Variants in UCHL5 observed in about 807,000 individuals in gnomAD.
UCHL5 encodes the protein ubiquitin carboxyl-terminal hydrolase isozyme L5.
Under a neutral mutation model 53.8 loss-of-function variants are expected in UCHL5, and 34 were observed. The ratio of observed to expected loss-of-function variants is 0.63; its 90% CI spans 0.48 to 0.84. The LOEUF (loss-of-function observed/expected upper bound fraction) is 0.84. Among genes scored for constraint, UCHL5 ranks in the 40% least tolerant of loss-of-function variants. The pLI is 0.00. For synonymous variants in UCHL5, 111 were observed against 126.3 expected (o/e 0.88, Z 0.81); for missense variants, 290 against 385.6 (o/e 0.75, Z 2.08).
intron 3 of UCHL5, among the ~76,000 whole-genome samples, chr1:193,038,411 C>A (rs1234906421): frequency 6.7e-6 from 1 of 149,180 alleles, no homozygotes; most frequent in Non-Finnish European, 1.5e-5. Flanking sequence ...GCCGAGATCG[C>A]GCCACTGCAC....
chr1:193,020,211 C>T (rs1250083758), intron 10 of UCHL5: 2 of 1,395,358 alleles, frequency 1.4e-6, no homozygotes, highest in African/African-American at 2.9e-5. Context: ...TATTAGCTCA[C>T]ATCTCATATT....
chr1:193,018,463 C>T, intron 10 of UCHL5: 1 of 867,732 alleles, frequency 1.2e-6, no homozygotes, highest in Non-Finnish European at 1.4e-6. Flanking sequence ...GTACATAATA[C>T]AAGAAGTTTT....
At chr1:193,026,456 A>C (rs1316299316) in intron 7 of UCHL5, among the ~76,000 whole-genome samples, 1 of 152,226 alleles carries the variant, frequency 6.6e-6, no homozygotes, top group African/African-American at 2.4e-5. Context: ...AGAGTCAAAA[A>C]ACAATCCAAT....
At chr1:193,025,894 A>G (rs1659016435) in intron 7 of UCHL5, among the ~76,000 whole-genome samples, 1 of 152,170 alleles carries the variant, frequency 6.6e-6, no homozygotes, top group Non-Finnish European at 1.5e-5. Context: ...ACCTGATTTC[A>G]AGACTTAGAG....
chr1:193,042,373 TAATC>T (rs964962815), intron 3 of UCHL5, among the ~76,000 whole-genome samples: 12 of 152,096 alleles, frequency 7.9e-5, no homozygotes, highest in African/African-American at 2.9e-4. Context: ...TTTCTTAAAA[TAATC>T]AAATAAATAA....
At chr1:193,025,041 A>G (rs753089401) in intron 7 of UCHL5, among the ~76,000 whole-genome samples, 1 of 152,200 alleles carries the variant, frequency 6.6e-6, no homozygotes, top group Non-Finnish European at 1.5e-5. Flanking sequence ...CTCAGGAACC[A>G]AGAATGATAC....
chr1:193,052,398 G>A (rs1261560596), intron 1 of UCHL5, among the ~76,000 whole-genome samples: 1 of 151,954 alleles, frequency 6.6e-6, no homozygotes, highest in African/African-American at 2.4e-5. Context: ...TGTCATTATT[G>A]TCACTGGTGT....
At chr1:193,026,234 C>G (rs940423264) in intron 7 of UCHL5, among the ~76,000 whole-genome samples, 1 of 151,906 alleles carries the variant, frequency 6.6e-6, no homozygotes, top group Admixed American at 6.6e-5. Context: ...GGTATCTACA[C>G]CGAGACAAAG....
At chr1:193,035,428 A>T (rs868150923) in intron 3 of UCHL5, among the ~76,000 whole-genome samples, 24 of 152,026 alleles carry the variant, frequency 1.6e-4, no homozygotes, top group African/African-American at 5.3e-4. Context: ...GCCAGGAGGG[A>T]GTGGGATGAA....
chr1:193,029,482 T>C (rs769299822), intron 4 of UCHL5, 33 bp from the exon 5 acceptor site: 9 of 1,613,236 alleles, frequency 5.6e-6, no homozygotes, highest in Admixed American at 3.3e-5. Flanking sequence ...CCTATTAATA[T>C]ACAAACTTTC....
chr1:193,060,044 C>G (rs369237382), upstream of UCHL5: 5 of 1,340,594 alleles, frequency 3.7e-6, no homozygotes, highest in African/African-American at 1.5e-5. Flanking sequence ...TCCTGCTTGT[C>G]GGCATCGCTC....
chr1:193,029,486 A>C, intron 4 of UCHL5, 37 bp from the exon 5 acceptor site: 1 of 1,613,240 alleles, frequency 6.2e-7, no homozygotes, highest in Non-Finnish European at 8.5e-7. Context: ...TTAATATACA[A>C]ACTTTCACAA....
intron 10 of UCHL5, among the ~76,000 whole-genome samples, chr1:193,017,221 T>A (rs1655158261): frequency 6.6e-6 from 1 of 151,780 alleles, no homozygotes; most frequent in Admixed American, 6.6e-5. Context: ...AAAAGCAAGA[T>A]TTTAGAGTAC....
In UCHL5 at chr1:193,046,838, TA is replaced by T. The variant is rs914404812; in HGVS notation, c.246+2907del. Among the ~76,000 whole-genome samples the T allele has an allele frequency of 5.5e-4, 82 of 149,016 alleles. No individual in the cohort carries two copies. In the East Asian group the frequency reaches 7.2e-3, roughly 13 times the overall value. On this transcript the variant is annotated intron_variant, in intron 3 of 10. Transcript: ENST00000367454. ...ACAAAGTCAAACTTTCATTACTAAG[TA>T]AAAAAAAACAAAATATTTTGCATAA...
At position 193,049,899 on chromosome 1, in the gene UCHL5, T is replaced by C. The variant is rs753365060; in HGVS notation, c.141-48A>G. 5.5e-6 allele frequency: 8 copies of C among 1,464,472 alleles called. No individual in the cohort carries two copies. The African/African-American group carries it at 1.1e-4, about 21-fold the overall frequency. The allele number at this position is 1,464,472 out of a possible 1,614,324, so 90.7% of individuals were successfully genotyped here. On this transcript the variant is annotated intron_variant, in intron 2 of 10. Transcript: ENST00000367454. ...ATGACATCAAACCCTGCTTCTTTCA[T>C]AATACATTGTTAATCTATAAAATTT...
chr1:193,037,657 C>T (rs1663999968), intron 3 of UCHL5, among the ~76,000 whole-genome samples: 1 of 152,030 alleles, frequency 6.6e-6, no homozygotes, highest in African/African-American at 2.4e-5. Context: ...ATACCAAAAC[C>T]AGGCAAGGAC....
intron 7 of UCHL5, 154 bp downstream of exon 7, chr1:193,027,931 T>C (rs1388808893): frequency 6.8e-7 from 1 of 1,475,326 alleles, no homozygotes; most frequent in African/African-American, 1.4e-5. Flanking sequence ...GAGACCAGCC[T>C]GGGCAACATG....
At chr1:193,042,151 G>A (rs1179263073) in intron 3 of UCHL5, among the ~76,000 whole-genome samples, 1 of 150,936 alleles carries the variant, frequency 6.6e-6, no homozygotes, top group Non-Finnish European at 1.5e-5. Flanking sequence ...TATAGAGCAC[G>A]ATACTTTTTA....
At chr1:193,017,973 T>A (rs1184317442) in intron 10 of UCHL5, among the ~76,000 whole-genome samples, 1 of 151,322 alleles carries the variant, frequency 6.6e-6, no homozygotes. Flanking sequence ...TGTTAAAAAA[T>A]AAAAATAAAA....
Sources: allele counts gnomAD v4.1 joint callset (sites outside exome capture counted in the v4.1 genomes callset), GRCh38; gene constraint gnomAD v4.1.1; transcripts MANE v1.5; gene names NCBI Gene and HGNC (gene_info 2026-07-23, HGNC 2026-07-21).